CELF5: variants seen among roughly 807,000 people sequenced by gnomAD.
CELF5 encodes CUGBP Elav-like family member 5.
CELF5 carries 6 observed loss-of-function variants against 54.9 expected under a neutral mutation model. The observed-to-expected ratio is 0.11, with a 90% CI of 0.06 to 0.22. The LOEUF is 0.22. Among genes scored for constraint, CELF5 ranks in the 10% least tolerant of loss-of-function variants. The probability of loss-of-function intolerance (pLI) is 1.00; values close to 1 mark genes in which losing one functional copy is unlikely to be tolerated. For synonymous variants in CELF5, 271 were observed against 290.9 expected (o/e 0.93, Z 0.70); for missense variants, 401 against 678.6 (o/e 0.59, Z 4.54).
At position 3,275,811 on chromosome 19, in the gene CELF5, C is replaced by T. The variant is rs747687446; in HGVS notation, c.395-45C>T. 3.8e-6 allele frequency: 6 copies of T among 1,576,976 alleles called. No homozygotes were observed. The highest frequency in any genetic ancestry group is 5.2e-6 in the Non-Finnish European group (6 of 1,155,890). On this transcript the variant is annotated intron_variant, in intron 3 of 12. Coordinates refer to ENST00000292672, the MANE Select transcript of CELF5 (RefSeq NM_021938.4). This position sits in a 1 kb window ranked among gnomAD's most constrained non-coding sequence, Gnocchi z 6.7. The stretch of plus-strand genomic sequence containing the variant: ...GGGAGGGAGGAATCCCGGAGGCCCT[C>T]CCGGAGGCCGGGGACTCGGCTGAGG...
chr19:3,280,747 C>T (rs1376960588), intron 5 of CELF5, among the ~76,000 whole-genome samples: 1 of 152,106 alleles, frequency 6.6e-6, no homozygotes, highest in Non-Finnish European at 1.5e-5. Context: ...CCCAGTTGTT[C>T]CTCTCTGGAG....
At chr19:3,292,133 A>C (rs2080360742) in intron 11 of CELF5, among the ~76,000 whole-genome samples, 1 of 151,774 alleles carries the variant, frequency 6.6e-6, no homozygotes, top group Admixed American at 6.6e-5. Flanking sequence ...TTTTAGTAGA[A>C]ATGGGGTTTC....
intron 1 of CELF5, among the ~76,000 whole-genome samples, chr19:3,248,885 CCTTCCTTCCTTCCTTCCTTCCTTT>C (rs1298524677): frequency 2.4e-4 from 31 of 130,148 alleles, no homozygotes; most frequent in South Asian, 1.5e-3. Flanking sequence ...TTCCTTCCTT[CCTTCCTTCCTTCCTTCCTTCCTTT>C]CTTTCTTTCT....
intron 1 of CELF5, among the ~76,000 whole-genome samples, chr19:3,232,109 T>C (rs1917295810): frequency 6.6e-6 from 1 of 152,142 alleles, no homozygotes; most frequent in African/African-American, 2.4e-5. Context: ...ACCTTTGCTC[T>C]CAGACAGGCT....
intron 5 of CELF5, among the ~76,000 whole-genome samples, chr19:3,280,438 G>C (rs1201890269): frequency 2.0e-5 from 3 of 152,176 alleles, no homozygotes; most frequent in African/African-American, 7.2e-5. Flanking sequence ...AGCTGGGCGT[G>C]ATGGCGGGCA....
chr19:3,284,592 G>C (rs912712191), intron 8 of CELF5, among the ~76,000 whole-genome samples: 1 of 152,150 alleles, frequency 6.6e-6, no homozygotes, highest in Non-Finnish European at 1.5e-5. Context: ...AGGGAGTAGA[G>C]AGGAGTGAAG....
intron 1 of CELF5, among the ~76,000 whole-genome samples, chr19:3,240,647 G>A (rs1377925867): frequency 6.6e-6 from 1 of 151,648 alleles, no homozygotes; most frequent in African/African-American, 2.4e-5. Context: ...ACTTCTGAAA[G>A]CCTATGTTCC....
At chr19:3,292,339 A>T (rs941589944) in intron 11 of CELF5, among the ~76,000 whole-genome samples, 3 of 147,418 alleles carry the variant, frequency 2.0e-5, no homozygotes, top group Non-Finnish European at 4.4e-5. Context: ...GTCTTGTGCC[A>T]TCAGTGCGAT....
At chr19:3,252,210 A>T (rs969717457) in intron 2 of CELF5, among the ~76,000 whole-genome samples, 2 of 151,204 alleles carry the variant, frequency 1.3e-5, no homozygotes, top group Non-Finnish European at 2.9e-5. Context: ...CTAATTTTTT[A>T]ATTTTTGTAG....
chr19:3,265,068 G>C (rs2079862732), intron 2 of CELF5, among the ~76,000 whole-genome samples: 1 of 152,148 alleles, frequency 6.6e-6, no homozygotes, highest in South Asian at 2.1e-4. Context: ...CGGGCGCAGT[G>C]GCTCACACCT....
intron 2 of CELF5, among the ~76,000 whole-genome samples, chr19:3,252,602 A>G (rs2079666718): frequency 1.3e-5 from 2 of 152,102 alleles, no homozygotes; most frequent in Non-Finnish European, 2.9e-5. Context: ...GGCTGACTGT[A>G]GGAAATCTGA....
At chr19:3,285,903 C>T (rs1343953578) in intron 9 of CELF5, 39 bp from the exon 10 acceptor site, 5 of 1,477,956 alleles carry the variant, frequency 3.4e-6, no homozygotes, top group East Asian at 2.7e-5. Flanking sequence ...CGTGGCCTCA[C>T]GCCCCTCCTC....
At position 3,251,023 on chromosome 19, in the gene CELF5, A is replaced by G. The variant is rs2079640210; in HGVS notation, c.298A>G (p.Ile100Val). Residue 100 changes from isoleucine (I) to valine (V), a missense_variant, in exon 2 of 13, where the codon ATC (isoleucine) becomes GTC (valine). This residue lies in a region of CELF5 where 66 missense variants were observed against 132.3 expected (regional missense o/e 0.50). Coordinates refer to ENST00000292672, the MANE Select transcript of CELF5 (RefSeq NM_021938.4). ...FLTYCARDSA[I>V]KAQTALHEQK... is the part of the protein sequence containing the mutation. ...CACCTACTGTGCCAGGGATTCCGCC[A>G]TCAAAGCTCAGACTGCCCTGCACGA... 6.2e-7 allele frequency: 1 copy of G among 1,613,970 alleles called. No homozygotes were observed. The highest frequency in any genetic ancestry group is 8.5e-7 in the Non-Finnish European group (1 of 1,179,976).
chr19:3,263,255 A>C (rs1465098701), intron 2 of CELF5, among the ~76,000 whole-genome samples: 1 of 149,566 alleles, frequency 6.7e-6, no homozygotes, highest in Non-Finnish European at 1.5e-5. Flanking sequence ...TCAAAAAAAA[A>C]AAAAAAAAAA....
At chr19:3,252,879 G>C (rs756428) in intron 2 of CELF5, among the ~76,000 whole-genome samples, 48,185 of 151,658 alleles carry the variant, frequency 0.32, 7,887 homozygotes, top group East Asian at 0.54. Flanking sequence ...AACAGGGCAG[G>C]GTGGGCTAGC....
chr19:3,277,168 C>T (rs1344211741), intron 4 of CELF5, among the ~76,000 whole-genome samples: 1 of 152,146 alleles, frequency 6.6e-6, no homozygotes, highest in Non-Finnish European at 1.5e-5. Context: ...CAGACCATTA[C>T]CTGGTTCTTC....
chr19:3,290,424 C>G (rs888672506), intron 11 of CELF5, 50 bp downstream of exon 11: 4 of 1,603,304 alleles, frequency 2.5e-6, no homozygotes, highest in Non-Finnish European at 3.4e-6. Flanking sequence ...CTCGCCTGCC[C>G]CCTGACAGGG....
rs1421621741 is a variant in CELF5, at chr19:3,282,065, C to G, written c.751-61C>G. On this transcript the variant is annotated intron_variant, in intron 6 of 12. Coordinates refer to ENST00000292672, the MANE Select transcript of CELF5 (RefSeq NM_021938.4). This position sits in a 1 kb window ranked among gnomAD's most constrained non-coding sequence, Gnocchi z 5.2. ...CTAGTAACTGGGGTACCAAGCCTCC[C>G]CTCATAAGCCATGATCTCAGGGCAG... 2 of 1,595,676 alleles carry G rather than the reference C, an allele frequency of 1.3e-6. No homozygotes were observed. Among genetic ancestry groups the G allele is most frequent in the African/African-American group, 2.7e-5 (2 of 74,600 alleles).
At chr19:3,258,777 A>T (rs2079767168) in intron 2 of CELF5, among the ~76,000 whole-genome samples, 1 of 151,426 alleles carries the variant, frequency 6.6e-6, no homozygotes, top group African/African-American at 2.4e-5. Context: ...ACGCCTGGCT[A>T]GTTTTTTATT....
Sources: allele counts gnomAD v4.1 joint callset (sites outside exome capture counted in the v4.1 genomes callset), GRCh38; gene constraint gnomAD v4.1.1; regional missense constraint gnomAD v4.1.1; non-coding constraint Gnocchi (gnomAD v3.1); transcripts MANE v1.5; gene names NCBI Gene and HGNC (gene_info 2026-07-23, HGNC 2026-07-21).